Variants in LAMB4 observed in about 807,000 individuals in gnomAD.
The protein encoded by LAMB4 is laminin subunit beta-4.
Under a neutral mutation model 199.2 loss-of-function variants are expected in LAMB4, and 196 were observed. That is an observed-to-expected ratio of 0.98 (90% CI 0.88 to 1.11). The LOEUF is 1.11. Ranked by LOEUF, LAMB4 falls within the 50% of genes least tolerant of loss-of-function variation. The pLI is 0.00. For synonymous variants in LAMB4, 744 were observed against 770.6 expected, an observed-to-expected ratio of 0.97 and a Z score of 0.57; for missense variants, 2,080 against 2,171.2, an observed-to-expected ratio of 0.96 and a Z score of 0.83.
chr7:108,083,244 C>T (rs561076883), intron 14 of LAMB4, among the ~76,000 whole-genome samples: 24 of 152,150 alleles, frequency 1.6e-4, no homozygotes, highest in Admixed American at 6.5e-4. Flanking sequence ...AGTCTTGCTC[C>T]GGGCCTATTT....
intron 3 of LAMB4, 55 bp from the exon 4 acceptor site, chr7:108,112,001 G>A: frequency 6.9e-7 from 1 of 1,456,196 alleles, no homozygotes; most frequent in Non-Finnish European, 9.4e-7. Context: ...CATATTGTTG[G>A]GCTAAATTAA....
At chr7:108,094,542 G>A (rs2037525210) in intron 12 of LAMB4, among the ~76,000 whole-genome samples, 1 of 150,224 alleles carries the variant, frequency 6.7e-6, no homozygotes, top group South Asian at 2.1e-4. Context: ...GACACATCGA[G>A]GTCACTGTTC....
downstream of LAMB4, among the ~76,000 whole-genome samples, chr7:108,022,331 T>G (rs1244099019): frequency 6.6e-6 from 1 of 152,238 alleles, no homozygotes; most frequent in Non-Finnish European, 1.5e-5. Flanking sequence ...TGTGCTTCAA[T>G]GAATTAGCCA....
the LAMB4 span, among the ~76,000 whole-genome samples, chr7:108,016,020 G>T: frequency 6.6e-6 from 1 of 152,080 alleles, no homozygotes; most frequent in Non-Finnish European, 1.5e-5. Context: ...TTTATGTAAA[G>T]AAATCAGTTA....
At chr7:108,036,159 A>C (rs1052969978) in intron 30 of LAMB4, among the ~76,000 whole-genome samples, 13 of 151,350 alleles carry the variant, frequency 8.6e-5, no homozygotes, top group African/African-American at 3.2e-4. Flanking sequence ...CCCCCAGCCC[A>C]TCAGTATCAC....
intron 1 of LAMB4, among the ~76,000 whole-genome samples, chr7:108,127,094 T>C (rs2038816585): frequency 1.3e-5 from 2 of 151,962 alleles, no homozygotes; most frequent in South Asian, 4.1e-4. Flanking sequence ...CCCTCACACT[T>C]GCTCTGCTCC....
intron 2 of LAMB4, among the ~76,000 whole-genome samples, chr7:108,118,598 A>G (rs1440546189): frequency 1.3e-5 from 2 of 152,172 alleles, no homozygotes; most frequent in Non-Finnish European, 2.9e-5. Context: ...GAAAAAATGA[A>G]CTGCAAGCAA....
At position 108,025,868 on chromosome 7, in the gene LAMB4, C is replaced by T. The variant is rs1294003708; in HGVS notation, c.5147-1690G>A. 2.0e-5 allele frequency among the ~76,000 whole-genome samples: 3 copies of T among 152,314 alleles called. No homozygotes were observed. In the East Asian group the frequency reaches 5.8e-4, roughly 29 times the overall value. On this transcript the variant is annotated intron_variant, in intron 33 of 33. Coordinates refer to ENST00000388781, the MANE Select transcript of LAMB4 (RefSeq NM_007356.3). ...AGCTGGTTACACCAGACCCATTCGC[C>T]ATCCTCGTCTGTGTTCTGGAAAGCT...
At chr7:108,097,581 A>T (rs1273987934) in intron 11 of LAMB4, among the ~76,000 whole-genome samples, 11 of 152,178 alleles carry the variant, frequency 7.2e-5, no homozygotes, top group Non-Finnish European at 1.6e-4. Context: ...GTCAGGAGAC[A>T]GAGACCATCT....
chr7:108,069,936 G>C, intron 17 of LAMB4, 51 bp from the exon 18 acceptor site: 1 of 1,437,272 alleles, frequency 7.0e-7, no homozygotes, highest in Non-Finnish European at 9.5e-7. Flanking sequence ...TGCTGTGTAC[G>C]ATTCTACTTA....
rs564374631 is a variant in LAMB4, at chr7:108,109,208, G to T, written c.365C>A (p.Ala122Glu). ...DHVSIRLDLE[A>E]LFRFSHLILT... ...GATAAGGTGGCTGAACCGAAATAAT[G>T]CCTCTAAGTCCAGTCTGATGCTGAC... The change falls in exon 5 of 34, where the codon GCA (alanine) becomes GAA (glutamate). Residue 122 changes from alanine to glutamate, a missense_variant. Coordinates refer to ENST00000388781, the MANE Select transcript of LAMB4 (RefSeq NM_007356.3). The T allele has an allele frequency of 6.2e-7, 1 of 1,613,538 alleles. No homozygotes were observed. Among genetic ancestry groups the T allele is most frequent in the African/African-American group, 1.3e-5 (1 of 75,044 alleles).
intron 31 of LAMB4, 86 bp from the exon 32 acceptor site, chr7:108,031,065 A>G: frequency 8.8e-7 from 1 of 1,130,118 alleles, no homozygotes; most frequent in South Asian, 1.6e-5. Context: ...CTTGAAAAAT[A>G]TGCTGGGTGT....
intron 4 of LAMB4, among the ~76,000 whole-genome samples, chr7:108,110,583 C>G (rs2038187924): frequency 6.6e-6 from 1 of 152,158 alleles, no homozygotes; most frequent in Non-Finnish European, 1.5e-5. Flanking sequence ...GTCAAGGGTC[C>G]TAACCCTTTC....
In LAMB4 at chr7:108,095,129, T is replaced by C. The variant is rs141950485; in HGVS notation, c.1470+99A>G. Reference sequence around the variant, plus strand: ...ATACCACTGGAGTATTAAAACACAATAGGACAAGAAAGAGATTAGCAAAAC... The same window carrying C: ...ATACCACTGGAGTATTAAAACACAACAGGACAAGAAAGAGATTAGCAAAAC... On this transcript the variant is annotated intron_variant, in intron 12 of 33. Transcript: ENST00000388781. The C allele has an allele frequency of 1.2e-3, 930 of 806,036 alleles. 8 individuals are homozygous for C. The highest frequency in any genetic ancestry group is 1.7e-3 in the East Asian group (65 of 39,196). The allele number at this position is 806,036 out of a possible 1,614,324, so 49.9% of individuals were successfully genotyped here.
At position 108,069,689 on chromosome 7, in the gene LAMB4, C is replaced by G; in HGVS notation, c.2302+19G>C. On this transcript the variant is annotated intron_variant, in intron 18 of 33. Coordinates refer to ENST00000388781, the MANE Select transcript of LAMB4 (RefSeq NM_007356.3). ...ATGGATGTCAGTGCCTCAGTAGAGC[C>G]CATTAAACAGATACTTACCCACAGC... is the stretch of plus-strand genomic sequence containing the variant. 1 of 1,608,014 alleles carries G rather than the reference C, an allele frequency of 6.2e-7. No individual in the cohort carries two copies. Among genetic ancestry groups the G allele is most frequent in the Non-Finnish European group, 8.5e-7 (1 of 1,175,920 alleles).
chr7:108,117,338 G>A (rs935007475), intron 2 of LAMB4, among the ~76,000 whole-genome samples: 9 of 152,090 alleles, frequency 5.9e-5, no homozygotes, highest in African/African-American at 1.2e-4. Context: ...ACATCTATAC[G>A]GGCATGAGGG....
chr7:108,123,170 T>G lies in LAMB4; in HGVS notation c.-6A>C. ...AGGGTCAGTTGAAATTGCATTCTTT[T>G]GTCAGGAGATGATTAAATTCAATTC... is the stretch of plus-strand genomic sequence containing the variant. On this transcript the variant is annotated 5_prime_UTR_variant, in exon 2 of 34. Coordinates refer to ENST00000388781, the MANE Select transcript of LAMB4 (RefSeq NM_007356.3). The G allele has an allele frequency of 1.2e-6, 2 of 1,608,752 alleles. No individual in the cohort carries two copies. The highest frequency in any genetic ancestry group is 4.5e-5 in the East Asian group (2 of 44,702).
At position 108,063,907 on chromosome 7, in the gene LAMB4, C is replaced by T. The variant is rs1244590903; in HGVS notation, c.2915G>A (p.Cys972Tyr). 1.2e-6 allele frequency: 2 copies of T among 1,614,056 alleles called. No homozygotes were observed. Among genetic ancestry groups the T allele is most frequent in the Non-Finnish European group, 1.7e-6 (2 of 1,180,028 alleles). Residue 972 changes from cysteine (C) to tyrosine (Y), a missense_variant, in exon 22 of 34, where the codon TGC (cysteine) becomes TAC (tyrosine). Physicochemically the swap from Cys to Tyr is radical, Grantham distance 194. Transcript: ENST00000388781. ...ATCGGTTACATCTATGTTGTTGTTG[C>T]AGGCACATGGTTGGCAAGGTGCTCC... Reference protein sequence around the residue: ...ISGAPCQPCACNNNIDVTDPE... With the variant: ...ISGAPCQPCAYNNNIDVTDPE...
At position 108,065,883 on chromosome 7, in the gene LAMB4, T is replaced by G. The variant is rs1318861052; in HGVS notation, c.2715A>C (p.Gly905=). 4 of 1,614,004 alleles carry G rather than the reference T, an allele frequency of 2.5e-6. No individual in the cohort carries two copies. In the African/African-American group the frequency reaches 4.0e-5, roughly 16 times the overall value. The change falls in exon 21 of 34, where the codon GGA becomes GGC. Residue 905 remains glycine, a synonymous_variant. Transcript: ENST00000388781. ...IDGYYGNPSS[G]QPCRPCLCPD... is the part of the protein sequence containing the mutation. ...GACACAGGCAAGGACGACAGGGCTG[T>G]CCTGAAGAAGGATTTCCATAGTAAC...
Sources: gnomAD v4.1 joint callset for allele counts (sites outside exome capture counted in the v4.1 genomes callset) on GRCh38, gnomAD v4.1.1 for gene constraint, MANE v1.5 for transcripts, NCBI Gene and HGNC (gene_info 2026-07-23, HGNC 2026-07-21) for gene names.